GABRB1: variants seen among roughly 807,000 people sequenced by gnomAD.
GABRB1 encodes the protein gamma-aminobutyric acid receptor subunit beta-1.
In GABRB1, 17 loss-of-function variants were observed where a neutral mutation model predicts 51.6. That is an observed-to-expected ratio of 0.33 (90% CI 0.23 to 0.49). GABRB1 has a LOEUF of 0.49. GABRB1 is among the 20% of genes least tolerant of loss of function. The probability of loss-of-function intolerance (pLI) is 0.99; values close to 1 mark genes in which losing one functional copy is unlikely to be tolerated. For synonymous variants in GABRB1, 247 were observed against 218.9 expected (o/e 1.13, Z -1.14); for missense variants, 410 against 600.6 (o/e 0.68, Z 3.32).
intron 4 of GABRB1, among the ~76,000 whole-genome samples, chr4:47,181,079 G>C (rs558255805): frequency 5.3e-5 from 8 of 151,936 alleles, no homozygotes; most frequent in Non-Finnish European, 2.9e-5. Context: ...TATTAATTCT[G>C]GTAAGATCTC....
chr4:47,388,595 G>T (rs558658071), intron 5 of GABRB1, among the ~76,000 whole-genome samples: 1 of 152,298 alleles, frequency 6.6e-6, no homozygotes, highest in South Asian at 2.1e-4. Context: ...AATCAAGAGT[G>T]GCTCCATAAC....
At chr4:47,116,033 A>C (rs1211799867) in intron 3 of GABRB1, among the ~76,000 whole-genome samples, 1 of 152,174 alleles carries the variant, frequency 6.6e-6, no homozygotes, top group East Asian at 1.9e-4. Flanking sequence ...AGCCATTCAC[A>C]GTATTGGTGT....
chr4:47,329,202 G>A (rs1372466181), intron 5 of GABRB1, among the ~76,000 whole-genome samples: 1 of 151,940 alleles, frequency 6.6e-6, no homozygotes, highest in Non-Finnish European at 1.5e-5. Flanking sequence ...AGGAGACCAA[G>A]ATATCTGTAA....
At chr4:47,007,650 G>A (rs558764392) in intron 1 of GABRB1, among the ~76,000 whole-genome samples, 24 of 152,038 alleles carry the variant, frequency 1.6e-4, no homozygotes, top group African/African-American at 5.8e-4. Flanking sequence ...GAATGTCAAC[G>A]AATAGAAATT....
intron 5 of GABRB1, among the ~76,000 whole-genome samples, chr4:47,342,767 C>T (rs762610044): frequency 6.6e-6 from 1 of 152,024 alleles, no homozygotes. Context: ...AAGTACAATT[C>T]ATAAAGCAGC....
Position 47,350,218 on chromosome 4 carries a change from T to TATATAGAG in GABRB1, c.544+30010_544+30011insTATAGAGA, listed in dbSNP as rs750199965. ...ATATATATATATATATATATATATA[T>TATATAGAG]AGAGAGAGAGAGAGAGAGAGAGAGA... On this transcript the variant is annotated intron_variant, in intron 5 of 8. Coordinates refer to ENST00000295454, the MANE Select transcript of GABRB1 (RefSeq NM_000812.4). 6.6e-3 allele frequency among the ~76,000 whole-genome samples: 376 copies of TATATAGAG among 56,558 alleles called. 2 individuals are homozygous for TATATAGAG. The highest frequency in any genetic ancestry group is 0.013 in the Middle Eastern group (1 of 80). 37.1% of individuals were successfully genotyped at this position (56,558 alleles called of 152,430 possible).
At chr4:46,994,923 C>G (rs1723938278) in intron 1 of GABRB1, among the ~76,000 whole-genome samples, 1 of 152,086 alleles carries the variant, frequency 6.6e-6, no homozygotes, top group Non-Finnish European at 1.5e-5. Flanking sequence ...GTGTTTTAAA[C>G]GTCTGGATTC....
intron 8 of GABRB1, among the ~76,000 whole-genome samples, chr4:47,421,809 C>T (rs774601223): frequency 6.6e-6 from 1 of 152,058 alleles, no homozygotes; most frequent in Non-Finnish European, 1.5e-5. Flanking sequence ...ACTTGTCCCT[C>T]CCAATATTAT....
At chr4:47,028,908 T>G (rs1000261866), upstream of GABRB1, among the ~76,000 whole-genome samples, 2 of 150,006 alleles carry the variant, frequency 1.3e-5, no homozygotes, top group African/African-American at 4.9e-5. Flanking sequence ...ACATAATATA[T>G]CTTTTGGGTT....
chr4:47,262,282 G>A (rs186736106), intron 4 of GABRB1, among the ~76,000 whole-genome samples: 6 of 152,020 alleles, frequency 3.9e-5, no homozygotes, highest in Admixed American at 1.3e-4. Context: ...GAAAATTTTC[G>A]CAAACTACAC....
intron 4 of GABRB1, among the ~76,000 whole-genome samples, chr4:47,254,850 T>G (rs749859899): frequency 6.6e-6 from 1 of 152,196 alleles, no homozygotes; most frequent in Non-Finnish European, 1.5e-5. Flanking sequence ...TAAAATATGT[T>G]ACTTTAAAAA....
At chr4:47,107,543 T>C (rs141281416) in intron 3 of GABRB1, among the ~76,000 whole-genome samples, 1 of 152,238 alleles carries the variant, frequency 6.6e-6, no homozygotes, top group Admixed American at 6.6e-5. Context: ...CTACTTTCTA[T>C]ATGTGTGACA....
At chr4:47,129,832 A>C (rs1247416567) in intron 3 of GABRB1, among the ~76,000 whole-genome samples, 1 of 152,202 alleles carries the variant, frequency 6.6e-6, no homozygotes, top group East Asian at 1.9e-4. Context: ...AAAAGAGAGA[A>C]TCACCCTTTC....
intron 5 of GABRB1, among the ~76,000 whole-genome samples, chr4:47,387,396 T>A (rs1727836666): frequency 6.6e-6 from 1 of 152,136 alleles, no homozygotes; most frequent in South Asian, 2.1e-4. Context: ...CACTTGAACC[T>A]GGGAGGTAGA....
At chr4:47,159,481 A>C (rs1378597820) in intron 3 of GABRB1, among the ~76,000 whole-genome samples, 1 of 150,224 alleles carries the variant, frequency 6.7e-6, no homozygotes, top group African/African-American at 2.5e-5. Context: ...AATGGTAGTA[A>C]CTGAGGACTG....
At chr4:47,422,478 C>G (rs571725750) in intron 8 of GABRB1, among the ~76,000 whole-genome samples, 1 of 152,172 alleles carries the variant, frequency 6.6e-6, no homozygotes, top group South Asian at 2.1e-4. Context: ...ATTCTAAGAC[C>G]GCAAATGGCC....
At position 47,103,038 on chromosome 4, in the gene GABRB1, G is replaced by A. The variant is rs141398812; in HGVS notation, c.241-58211G>A. On this transcript the variant is annotated intron_variant, in intron 3 of 8. Transcript: ENST00000295454. ...CTGGATGAGTTGTTGTGCATTCTAT[G>A]ACATATGGAATGCAGAGGATGAGCA... Among the ~76,000 whole-genome samples, 1,118 of 152,092 alleles carry A rather than the reference G, an allele frequency of 7.4e-3. 10 individuals carry two copies. Among genetic ancestry groups the A allele is most frequent in the African/African-American group, 0.025 (1,052 of 41,520 alleles).
intron 4 of GABRB1, among the ~76,000 whole-genome samples, chr4:47,222,785 A>G (rs1015756296): frequency 6.6e-6 from 1 of 152,178 alleles, no homozygotes; most frequent in Non-Finnish European, 1.5e-5. Context: ...AAAGTAATAA[A>G]TACTTTATAT....
intron 3 of GABRB1, 52 bp from the exon 4 acceptor site, chr4:47,161,197 A>T (rs776529820): frequency 1.7e-6 from 2 of 1,180,754 alleles, no homozygotes. Context: ...TAAACCTTAG[A>T]TGATAATGAT....
Sources: allele counts gnomAD v4.1 joint callset (sites outside exome capture counted in the v4.1 genomes callset), GRCh38; gene constraint gnomAD v4.1.1; transcripts MANE v1.5; gene names NCBI Gene and HGNC (gene_info 2026-07-23, HGNC 2026-07-21).